The following ANKRD44 variants were observed in gnomAD, a reference collection of about 807,000 sequenced individuals.
The protein encoded by ANKRD44 is serine/threonine-protein phosphatase 6 regulatory ankyrin repeat subunit B.
ANKRD44 carries 35 observed loss-of-function variants against 116.0 expected under a neutral mutation model. The ratio of observed to expected loss-of-function variants is 0.30; its 90% CI spans 0.23 to 0.40. The LOEUF (loss-of-function observed/expected upper bound fraction) is 0.40. Ranked by LOEUF, ANKRD44 falls within the 10% of genes least tolerant of loss-of-function variation. ANKRD44 has a pLI of 1.00. For missense variants in ANKRD44, 1,014 were observed against 1,242.6 expected, an observed-to-expected ratio of 0.82 and a Z score of 2.77; for synonymous variants, 435 against 461.8, an observed-to-expected ratio of 0.94 and a Z score of 0.74.
At chr2:197,282,855 G>C (rs1211239834) in intron 1 of ANKRD44, among the ~76,000 whole-genome samples, 1 of 152,164 alleles carries the variant, frequency 6.6e-6, no homozygotes, top group Admixed American at 6.5e-5. Flanking sequence ...GTACTCAGGA[G>C]GCTGAGGCAG....
At chr2:197,042,499 T>TAAA (rs774188881) in intron 16 of ANKRD44, among the ~76,000 whole-genome samples, 21 of 106,256 alleles carry the variant, frequency 2.0e-4, no homozygotes, top group African/African-American at 5.9e-4. Flanking sequence ...CCTCCACTAC[T>TAAA]AAAAAAAAAA....
chr2:197,236,784 T>G (rs1359987281), intron 1 of ANKRD44, among the ~76,000 whole-genome samples: 1 of 150,960 alleles, frequency 6.6e-6, no homozygotes, highest in East Asian at 1.9e-4. Context: ...CAGTAGCTAC[T>G]GAGAAAAAGA....
intron 18 of ANKRD44, among the ~76,000 whole-genome samples, chr2:197,012,530 C>T (rs986543756): frequency 2.0e-5 from 3 of 151,446 alleles, no homozygotes; most frequent in African/African-American, 7.3e-5. Flanking sequence ...CTATTACTAA[C>T]CTTATGGCTA....
At position 196,990,132 on chromosome 2, in the gene ANKRD44, T is replaced by C. The variant is rs577260050; in HGVS notation, c.2924-483A>G. ...GTTCTGGATATTCAAATGCTTACTA[T>C]AGAGAGGATATAAATAGTTGGACTC... On this transcript the variant is annotated intron_variant, in intron 27 of 27. Transcript: ENST00000282272. 15 of 992,598 alleles carry C rather than the reference T, an allele frequency of 1.5e-5. No individual in the cohort carries two copies. The East Asian group carries it at 1.2e-3, about 79-fold the overall frequency. 61.5% of individuals were successfully genotyped at this position (992,598 alleles called of 1,614,324 possible).
At chr2:197,078,979 G>GTGTGTC (rs748148936) in intron 15 of ANKRD44, among the ~76,000 whole-genome samples, 165 bp from the exon 16 acceptor site, 23 of 151,604 alleles carry the variant, frequency 1.5e-4, no homozygotes, top group Non-Finnish European at 3.1e-4. Flanking sequence ...TTGTGTGTGT[G>GTGTGTC]TGTGTGTGTG....
chr2:197,237,653 C>T (rs957554402), intron 1 of ANKRD44, among the ~76,000 whole-genome samples: 6 of 152,328 alleles, frequency 3.9e-5, no homozygotes, highest in Admixed American at 2.0e-4. Flanking sequence ...AAGAGAATCG[C>T]GCACAGAAAA....
intron 16 of ANKRD44, among the ~76,000 whole-genome samples, chr2:197,032,973 T>C (rs1013928672): frequency 2.0e-5 from 3 of 152,154 alleles, no homozygotes; most frequent in Non-Finnish European, 2.9e-5. Flanking sequence ...GAGAGATGCG[T>C]TGAGTCTCAG....
At chr2:196,968,525 C>A (rs1242807691) in intron 21 of ANKRD44, among the ~76,000 whole-genome samples, 1 of 152,160 alleles carries the variant, frequency 6.6e-6, no homozygotes, top group Admixed American at 6.5e-5. Context: ...CTGGACTGCC[C>A]TGCCTAGTGG....
rs768259842 is a variant in ANKRD44, at chr2:197,150,593, T to C, written c.112-3488A>G. 5.3e-5 allele frequency among the ~76,000 whole-genome samples: 8 copies of C among 151,872 alleles called. No homozygotes were observed. The East Asian group carries it at 1.3e-3, about 26-fold the overall frequency. On this transcript the variant is annotated intron_variant, in intron 2 of 27. Transcript: ENST00000282272. ...AAAGCAAGAGCATCTTAGAAGTTCA[T>C]GTGATAGTCTAAAAACCCTTCTACT...
intron 1 of ANKRD44, among the ~76,000 whole-genome samples, chr2:197,233,346 C>A (rs952665358): frequency 6.6e-6 from 1 of 152,112 alleles, no homozygotes. Flanking sequence ...GATCAATGTG[C>A]CTCTCAGATA....
chr2:197,121,559 A>C lies in ANKRD44; in HGVS notation c.694-15T>G, dbSNP rs2078854612. On this transcript the variant is annotated splice_polypyrimidine_tract_variant and intron_variant, in intron 7 of 27. Transcript: ENST00000282272. ...ATTTCATCAATCTGCAAAAGAGTCC[A>C]ACACAGGGTGATTAAAGTCATTAGA... The C allele has an allele frequency of 6.2e-7, 1 of 1,610,226 alleles. No homozygotes were observed. The highest frequency in any genetic ancestry group is 8.5e-7 in the Non-Finnish European group (1 of 1,177,018).
At chr2:196,995,876 T>C (rs2076003342) in intron 25 of ANKRD44, among the ~76,000 whole-genome samples, 1 of 152,210 alleles carries the variant, frequency 6.6e-6, no homozygotes, top group Admixed American at 6.5e-5. Context: ...CAATTATCCA[T>C]TTATCCTTGG....
chr2:197,060,924 T>A (rs1412095305), intron 16 of ANKRD44, among the ~76,000 whole-genome samples: 1 of 152,228 alleles, frequency 6.6e-6, no homozygotes, highest in Non-Finnish European at 1.5e-5. Flanking sequence ...GCAGTATCCA[T>A]CTATCAATGA....
Position 197,263,357 on chromosome 2 carries a change from G to T in ANKRD44, c.27+47221C>A, listed in dbSNP as rs2082659056. The T allele has an allele frequency of 6.9e-5, 45 of 653,488 alleles. 1 individual carries two copies. The highest frequency in any genetic ancestry group is 6.9e-4 in the South Asian group (44 of 63,938). The allele number at this position is 653,488 out of a possible 1,614,324, so 40.5% of individuals were successfully genotyped here. ...CATTGGGGCTGGGGCGCCACAGTTG[G>T]GGTGGCGGGCTCTGGGGCTGGGATT... On this transcript the variant is annotated intron_variant, in intron 1 of 27. Transcript: ENST00000282272.
At chr2:196,973,181 T>C (rs967229596) in intron 21 of ANKRD44, among the ~76,000 whole-genome samples, 4 of 151,950 alleles carry the variant, frequency 2.6e-5, no homozygotes, top group African/African-American at 9.7e-5. Flanking sequence ...TGGATTTCCC[T>C]GACTATCATT....
intron 8 of ANKRD44, among the ~76,000 whole-genome samples, chr2:197,118,275 A>T (rs1308752673): frequency 2.0e-5 from 3 of 151,712 alleles, no homozygotes; most frequent in Non-Finnish European, 4.4e-5. Context: ...CAATCAGAAG[A>T]CTAAAGCAAA....
chr2:197,277,372 T>C (rs1487878900), intron 1 of ANKRD44, among the ~76,000 whole-genome samples: 3 of 151,928 alleles, frequency 2.0e-5, no homozygotes, highest in Non-Finnish European at 4.4e-5. Context: ...TAGAAAGAAA[T>C]ACCAGTGAAG....
intron 1 of ANKRD44, among the ~76,000 whole-genome samples, chr2:197,302,081 C>T (rs1184383426): frequency 1.3e-5 from 2 of 152,148 alleles, no homozygotes; most frequent in African/African-American, 2.4e-5. Context: ...GCAAGGGTCC[C>T]GAGGCAGGAG....
At chr2:197,257,182 A>G (rs1446591904) in intron 1 of ANKRD44, among the ~76,000 whole-genome samples, 1 of 152,202 alleles carries the variant, frequency 6.6e-6, no homozygotes, top group Non-Finnish European at 1.5e-5. Flanking sequence ...ATCACTGTGT[A>G]GGATTTCTTT....
Sources: gnomAD v4.1 joint callset for allele counts (sites outside exome capture counted in the v4.1 genomes callset) on GRCh38, gnomAD v4.1.1 for gene constraint, MANE v1.5 for transcripts, NCBI Gene and HGNC (gene_info 2026-07-23, HGNC 2026-07-21) for gene names.